The following NRSN1 variants were observed in gnomAD, a reference collection of about 807,000 sequenced individuals.
NRSN1 encodes the protein neurensin-1.
A neutral mutation model predicts 17.3 loss-of-function variants in NRSN1; 14 were observed. The observed-to-expected ratio is 0.81, with a 90% CI of 0.54 to 1.27. The LOEUF (loss-of-function observed/expected upper bound fraction) is 1.27. Among genes scored for constraint, NRSN1 ranks in the 50% most tolerant of loss-of-function variants. NRSN1 has a pLI of 0.00. For missense variants in NRSN1, 209 were observed against 235.9 expected (o/e 0.89, Z 0.75); for synonymous variants, 79 against 94.2 (o/e 0.84, Z 0.93).
In NRSN1 at chr6:24,131,923, A is replaced by T. The variant is rs563798756; in HGVS notation, c.-9-2396A>T. 3.3e-5 allele frequency among the ~76,000 whole-genome samples: 5 copies of T among 152,330 alleles called. No homozygotes were observed. In the South Asian group the frequency reaches 1.0e-3, roughly 32 times the overall value. ...GAAATCATATCTTTCTAAATGTTTT[A>T]AAGCAAATGTGTTCGTGTGTGGGGG... On this transcript the variant is annotated intron_variant, in intron 2 of 3. Transcript: ENST00000378491.
Position 24,146,102 on chromosome 6 carries a change from G to T in NRSN1, c.*156G>T, listed in dbSNP as rs1760299638. 8.6e-6 allele frequency: 7 copies of T among 816,824 alleles called. No homozygotes were observed. The highest frequency in any genetic ancestry group is 1.5e-5 in the Non-Finnish European group (7 of 469,850). The allele number at this position is 816,824 out of a possible 1,614,324, so 50.6% of individuals were successfully genotyped here. Reference sequence around the variant, plus strand: ...GTGGACTCACACTTGCTCAGTTCAGGCAGCTCTGCTGGAGGGCGGTGCCAT... The same window carrying T: ...GTGGACTCACACTTGCTCAGTTCAGTCAGCTCTGCTGGAGGGCGGTGCCAT... On this transcript the variant is annotated 3_prime_UTR_variant, in exon 4 of 4. Transcript: ENST00000378491.
intron 2 of NRSN1, 58 bp from the exon 3 acceptor site, chr6:24,134,261 C>T: frequency 7.1e-7 from 1 of 1,399,370 alleles, no homozygotes; most frequent in South Asian, 1.3e-5. Flanking sequence ...TTTCATATGT[C>T]TTTTGATCCT....
At chr6:24,131,970 G>A (rs1197502138) in intron 2 of NRSN1, among the ~76,000 whole-genome samples, 1 of 151,774 alleles carries the variant, frequency 6.6e-6, no homozygotes, top group Non-Finnish European at 1.5e-5. Flanking sequence ...GGGTGTGTAT[G>A]TGTAGACTCT....
chr6:24,147,354 C>G lies in NRSN1; in HGVS notation c.*1408C>G, dbSNP rs950905857. On this transcript the variant is annotated 3_prime_UTR_variant, in exon 4 of 4. Coordinates refer to ENST00000378491, the MANE Select transcript of NRSN1 (RefSeq NM_080723.5). ...AATTGTGCCACCTTAGAGCCCCCCC[C>G]CTTTTTTTTTTCTTCCTTCACTGGA... is the stretch of plus-strand genomic sequence containing the variant. 1.3e-5 allele frequency: 2 copies of G among 150,724 alleles called. No individual in the cohort carries two copies. Among genetic ancestry groups the G allele is most frequent in the Admixed American group, 6.6e-5 (1 of 15,094 alleles). The allele number at this position is 150,724 out of a possible 1,614,324, so 9.3% of individuals were successfully genotyped here. A position where few individuals can be genotyped will look rare whatever the true frequency, so the allele number is the denominator to read the frequency against.
In NRSN1 at chr6:24,132,250, A is replaced by G. The variant is rs7770533; in HGVS notation, c.-9-2069A>G. 4.4e-3 allele frequency among the ~76,000 whole-genome samples: 666 copies of G among 152,340 alleles called. 5 individuals are homozygous for G. Among genetic ancestry groups the G allele is most frequent in the African/African-American group, 0.015 (636 of 41,572 alleles). ...TTTACTTTGTGCCCACTGCACAAGG[A>G]ATTGCTGACTATCCCTGGTTCCAAC... On this transcript the variant is annotated intron_variant, in intron 2 of 3. Coordinates refer to ENST00000378491, the MANE Select transcript of NRSN1 (RefSeq NM_080723.5).
At chr6:24,138,959 C>G (rs573995699) in intron 3 of NRSN1, among the ~76,000 whole-genome samples, 1 of 152,288 alleles carries the variant, frequency 6.6e-6, no homozygotes, top group African/African-American at 2.4e-5. Flanking sequence ...ACCTCACATC[C>G]TTTTTTGTGG....
At chr6:24,131,376 C>T (rs1355682855) in intron 2 of NRSN1, among the ~76,000 whole-genome samples, 1 of 152,174 alleles carries the variant, frequency 6.6e-6, no homozygotes, top group Non-Finnish European at 1.5e-5. Context: ...GGAAACATAA[C>T]TCTTACTGTT....
In NRSN1 at chr6:24,146,498, TC is replaced by T. The variant is rs1256353314; in HGVS notation, c.*553del. 5.9e-6 allele frequency: 2 copies of T among 341,286 alleles called. No homozygotes were observed. The highest frequency in any genetic ancestry group is 4.2e-5 in the Admixed American group (1 of 24,050). The allele number at this position is 341,286 out of a possible 1,614,324, so 21.1% of individuals were successfully genotyped here. A position where few individuals can be genotyped will look rare whatever the true frequency, so the allele number is the denominator to read the frequency against. On this transcript the variant is annotated 3_prime_UTR_variant, in exon 4 of 4. Transcript: ENST00000378491. ...ATACAAAGTTATCAGCATTCACAAA[TC>T]TTTTTGTTTTCTCCATTTTTTTTCC...
At chr6:24,130,485 C>G (rs1451075440) in intron 2 of NRSN1, among the ~76,000 whole-genome samples, 3 of 152,174 alleles carry the variant, frequency 2.0e-5, no homozygotes, top group Non-Finnish European at 4.4e-5. Context: ...ATCTATCACT[C>G]TAACATGTTA....
At chr6:24,132,593 C>A (rs929048414) in intron 2 of NRSN1, among the ~76,000 whole-genome samples, 3 of 152,106 alleles carry the variant, frequency 2.0e-5, no homozygotes, top group Non-Finnish European at 4.4e-5. Context: ...ACAAAAATAA[C>A]CACCTTCATT....
chr6:24,143,762 A>G (rs1274797735), intron 3 of NRSN1, among the ~76,000 whole-genome samples: 1 of 152,234 alleles, frequency 6.6e-6, no homozygotes, highest in Non-Finnish European at 1.5e-5. Context: ...ATAGCTACTT[A>G]TTACAATTTA....
chr6:24,135,826 G>C (rs1760111019), intron 3 of NRSN1, among the ~76,000 whole-genome samples: 1 of 152,068 alleles, frequency 6.6e-6, no homozygotes, highest in South Asian at 2.1e-4. Context: ...GAGGGCATTG[G>C]GACATTCCAA....
At chr6:24,139,636 G>A (rs898882044) in intron 3 of NRSN1, among the ~76,000 whole-genome samples, 7 of 152,206 alleles carry the variant, frequency 4.6e-5, no homozygotes, top group Non-Finnish European at 7.3e-5. Flanking sequence ...ATGGTCTAGA[G>A]CTCAAAACAG....
At position 24,145,645 on chromosome 6, in the gene NRSN1, C is replaced by G; in HGVS notation, c.287C>G (p.Ala96Gly). Residue 96 changes from alanine to glycine, a missense_variant, in exon 4 of 4, where the codon GCC becomes GGC. By Grantham distance (60) the Ala-to-Gly change is moderately conservative (BLOSUM62 0). Transcript: ENST00000378491. The surrounding 1 kb of genome is among the most constrained non-coding windows in gnomAD (Gnocchi z 4.4). ...VPPKIEAFGE[A>G]DFVVVDTHAV... ...CCCAAAATCGAAGCATTTGGCGAAG[C>G]CGATTTTGTGGTGGTCGACACACAT... 6.2e-7 allele frequency: 1 copy of G among 1,614,018 alleles called. No homozygotes were observed. Among genetic ancestry groups the G allele is most frequent in the Non-Finnish European group, 8.5e-7 (1 of 1,179,948 alleles).
In NRSN1 at chr6:24,145,993, A is replaced by G. The variant is rs962517060; in HGVS notation, c.*47A>G. ...TCTTGTCTGATTTATGCCCGTGGTTAAAAAGAGCAGGCCAGTTTTCGAGAT... is the reference window on the plus strand; with the variant it reads ...TCTTGTCTGATTTATGCCCGTGGTTGAAAAGAGCAGGCCAGTTTTCGAGAT... On this transcript the variant is annotated 3_prime_UTR_variant, in exon 4 of 4. Coordinates refer to ENST00000378491, the MANE Select transcript of NRSN1 (RefSeq NM_080723.5). The surrounding 1 kb of genome is among the most constrained non-coding windows in gnomAD (Gnocchi z 4.4). 2.6e-6 allele frequency: 4 copies of G among 1,558,436 alleles called. No individual in the cohort carries two copies. The highest frequency in any genetic ancestry group is 3.8e-5 in the Admixed American group (2 of 53,224).
At chr6:24,133,088 C>T (rs932175957) in intron 2 of NRSN1, among the ~76,000 whole-genome samples, 4 of 151,894 alleles carry the variant, frequency 2.6e-5, no homozygotes, top group Middle Eastern at 3.2e-3. Context: ...ATATAAATGC[C>T]TCTCTCTAAG....
chr6:24,127,056 A>G (rs935201195), intron 1 of NRSN1, among the ~76,000 whole-genome samples: 1 of 152,174 alleles, frequency 6.6e-6, no homozygotes, highest in Non-Finnish European at 1.5e-5. Flanking sequence ...TGACAGAAAA[A>G]AGAAGAGAAA....
At position 24,145,542 on chromosome 6, in the gene NRSN1, C is replaced by A; in HGVS notation, c.190-6C>A. ...CTATCTTGCTTCTGTCATTATCTACCTGTAGGTTGGACTCATCTCAGGTAC... is the reference window on the plus strand; with the variant it reads ...CTATCTTGCTTCTGTCATTATCTACATGTAGGTTGGACTCATCTCAGGTAC... On this transcript the variant is annotated splice_polypyrimidine_tract_variant and splice_region_variant and intron_variant, in intron 3 of 3. Transcript: ENST00000378491. This position sits in a 1 kb window ranked among gnomAD's most constrained non-coding sequence, Gnocchi z 4.4. The A allele has an allele frequency of 6.4e-7, 1 of 1,569,744 alleles. No homozygotes were observed.
intron 3 of NRSN1, among the ~76,000 whole-genome samples, chr6:24,142,213 T>TC (rs1554140622): frequency 1.5e-5 from 2 of 132,540 alleles, no homozygotes; most frequent in Non-Finnish European, 3.3e-5. Context: ...TTTTTTTTTT[T>TC]TCAGAAGACA....
Sources: allele counts gnomAD v4.1 joint callset (sites outside exome capture counted in the v4.1 genomes callset), GRCh38; gene constraint gnomAD v4.1.1; non-coding constraint Gnocchi (gnomAD v3.1); transcripts MANE v1.5; gene names NCBI Gene and HGNC (gene_info 2026-07-23, HGNC 2026-07-21).